The following ADRA1B variants were observed in gnomAD, a reference collection of about 807,000 sequenced individuals.
ADRA1B encodes the protein adrenoceptor alpha 1B.
A neutral mutation model predicts 17.9 loss-of-function variants in ADRA1B; 17 were observed. The observed-to-expected ratio is 0.95, with a 90% CI of 0.65 to 1.42. ADRA1B has a LOEUF of 1.42. Ranked by LOEUF, ADRA1B falls within the 40% of genes most tolerant of loss-of-function variation. ADRA1B has a pLI of 0.00. For synonymous variants in ADRA1B, 366 were observed against 327.6 expected, an observed-to-expected ratio of 1.12 and a Z score of -1.27; for missense variants, 681 against 722.1, an observed-to-expected ratio of 0.94 and a Z score of 0.65.
chr5:159,941,072 G>T (rs1268232065), intron 1 of ADRA1B, among the ~76,000 whole-genome samples: 1 of 152,198 alleles, frequency 6.6e-6, no homozygotes, highest in Non-Finnish European at 1.5e-5. Context: ...ACTTTATGGG[G>T]ACCTCTTGGG....
At chr5:159,986,035 C>A in the ADRA1B span, among the ~76,000 whole-genome samples, 1 of 152,182 alleles carries the variant, frequency 6.6e-6, no homozygotes, top group Non-Finnish European at 1.5e-5. Flanking sequence ...AAGAAAGGAA[C>A]CCACAGGGCC....
intron 1 of ADRA1B, among the ~76,000 whole-genome samples, chr5:159,873,865 T>C (rs1381404927): frequency 6.6e-6 from 1 of 152,172 alleles, no homozygotes; most frequent in East Asian, 1.9e-4. Flanking sequence ...TTTTTGATGA[T>C]GATCCATTGC....
chr5:159,988,765 C>A, the ADRA1B span, among the ~76,000 whole-genome samples: 1 of 152,080 alleles, frequency 6.6e-6, no homozygotes, highest in Non-Finnish European at 1.5e-5. Flanking sequence ...TCACTTGAGC[C>A]CAGGAACTTG....
chr5:159,894,690 C>T (rs976207), intron 1 of ADRA1B, among the ~76,000 whole-genome samples: 107,652 of 152,022 alleles, frequency 0.71, 40,107 homozygotes, highest in African/African-American at 0.89. Flanking sequence ...TAAAAGAGGG[C>T]AATATAGTCA....
chr5:159,928,405 C>A (rs568953768), intron 1 of ADRA1B, among the ~76,000 whole-genome samples: 7 of 152,300 alleles, frequency 4.6e-5, no homozygotes, highest in African/African-American at 1.7e-4. Context: ...CTCATCTGAC[C>A]ACCCTTTGAA....
At chr5:159,872,619 T>A (rs1753758377) in intron 1 of ADRA1B, among the ~76,000 whole-genome samples, 1 of 152,072 alleles carries the variant, frequency 6.6e-6, no homozygotes, top group African/African-American at 2.4e-5. Context: ...AAGCCTGAGG[T>A]CTTGCCAGTC....
chr5:159,959,006 G>C (rs1237160197), intron 1 of ADRA1B, among the ~76,000 whole-genome samples: 1 of 152,210 alleles, frequency 6.6e-6, no homozygotes, highest in Non-Finnish European at 1.5e-5. Flanking sequence ...CTGGAAGTTG[G>C]AATGGGTCAA....
chr5:159,926,553 G>A (rs541014218), intron 1 of ADRA1B, among the ~76,000 whole-genome samples: 30 of 152,130 alleles, frequency 2.0e-4, no homozygotes, highest in South Asian at 4.2e-4. Context: ...AACCTCCCAC[G>A]GCCCACCAGA....
chr5:159,972,040 GGCCGCCGCCGACGCCGCC>G lies in ADRA1B; in HGVS notation c.1119_1136del (p.Arg375_Arg380del), dbSNP rs777582523. Reference sequence around the variant, plus strand: ...CCTCGGGTGCCAGTGCCGCGGCCGCGGCCGCCGCCGACGCCGCCGCCGCCGTCGCCTGGGCGGCTGCGC... The same window carrying G: ...CCTCGGGTGCCAGTGCCGCGGCCGCGGCCGCCGTCGCCTGGGCGGCTGCGC... On this transcript the variant is annotated inframe_deletion, in exon 2 of 2. Transcript: ENST00000306675. The G allele has an allele frequency of 2.2e-6, 3 of 1,378,408 alleles. No homozygotes were observed. Among genetic ancestry groups the G allele is most frequent in the East Asian group, 2.9e-5 (1 of 33,904 alleles). The allele number at this position is 1,378,408 out of a possible 1,614,324, so 85.4% of individuals were successfully genotyped here.
the ADRA1B span, among the ~76,000 whole-genome samples, chr5:159,984,885 AAAG>A: frequency 1.3e-5 from 2 of 150,852 alleles, no homozygotes; most frequent in Non-Finnish European, 2.9e-5. Context: ...AGCCTAGGCA[AAAG>A]AGCAAAACTC....
chr5:159,883,903 G>A (rs1247493332), intron 1 of ADRA1B, among the ~76,000 whole-genome samples: 2 of 151,872 alleles, frequency 1.3e-5, no homozygotes, highest in African/African-American at 4.8e-5. Flanking sequence ...CTGTTGGAAG[G>A]AATTGTTATC....
downstream of ADRA1B, among the ~76,000 whole-genome samples, chr5:159,976,413 G>A (rs370990742): frequency 3.4e-4 from 51 of 152,122 alleles, 1 homozygote; most frequent in African/African-American, 1.1e-3. Flanking sequence ...CCAGCACTTC[G>A]GGAGGCTGGG....
intron 1 of ADRA1B, among the ~76,000 whole-genome samples, chr5:159,887,359 G>A (rs1327775739): frequency 6.6e-6 from 1 of 152,176 alleles, no homozygotes. Context: ...AATTTCAAGA[G>A]GGAATGTCAG....
intron 1 of ADRA1B, chr5:159,950,775 G>T: frequency 1.6e-6 from 1 of 617,130 alleles, no homozygotes; most frequent in Admixed American, 2.4e-5. Context: ...TGAGGTCCAT[G>T]ACTGACACGT....
intron 1 of ADRA1B, among the ~76,000 whole-genome samples, chr5:159,939,335 G>GCA (rs1162106651): frequency 1.1e-3 from 133 of 116,544 alleles, no homozygotes; most frequent in Middle Eastern, 4.6e-3. Flanking sequence ...GCGCGCGCGC[G>GCA]CACACAATGC....
At chr5:159,982,601 A>AT in the ADRA1B span, among the ~76,000 whole-genome samples, 54 of 152,272 alleles carry the variant, frequency 3.5e-4, no homozygotes, top group African/African-American at 1.2e-3. Flanking sequence ...GATTTGAGTC[A>AT]TGCAGCCAAC....
At chr5:159,876,639 G>A (rs1287104969) in intron 1 of ADRA1B, among the ~76,000 whole-genome samples, 2 of 152,176 alleles carry the variant, frequency 1.3e-5, no homozygotes, top group Non-Finnish European at 2.9e-5. Context: ...AAAGAAGATG[G>A]GGAGAATGGT....
chr5:159,939,322 TGCGC>T (rs542707574), intron 1 of ADRA1B, among the ~76,000 whole-genome samples: 1 of 107,604 alleles, frequency 9.3e-6, no homozygotes, highest in African/African-American at 3.5e-5. Context: ...TGTGTGTGTG[TGCGC>T]GCGCGCGCGC....
rs946284161 is a variant in ADRA1B at position 159,917,898 on chromosome 5, C to T, written c.949+44C>T. ...GCAGGGGGACTGGGCATTTTTGGAC[C>T]TTGGGTTTACTGATGAGCTTACTCT... is the stretch of plus-strand genomic sequence containing the variant. On this transcript the variant is annotated intron_variant, in intron 1 of 1. Coordinates refer to ENST00000306675, the MANE Select transcript of ADRA1B (RefSeq NM_000679.4). 8.0e-6 allele frequency: 12 copies of T among 1,501,152 alleles called. 1 individual carries two copies. The African/African-American group carries it at 1.4e-4, about 18-fold the overall frequency. The allele number at this position is 1,501,152 out of a possible 1,614,324, so 93.0% of individuals were successfully genotyped here.
Sources: gnomAD v4.1 joint callset for allele counts (sites outside exome capture counted in the v4.1 genomes callset) on GRCh38, gnomAD v4.1.1 for gene constraint, MANE v1.5 for transcripts, NCBI Gene and HGNC (gene_info 2026-07-23, HGNC 2026-07-21) for gene names.